The following DAOA variants were observed in gnomAD, a reference collection of about 807,000 sequenced individuals.
DAOA encodes D-amino acid oxidase regulator.
DAOA carries 15 observed loss-of-function variants against 16.4 expected under a neutral mutation model. The ratio of observed to expected loss-of-function variants is 0.91; its 90% CI spans 0.61 to 1.41. The LOEUF (loss-of-function observed/expected upper bound fraction) is 1.41. Ranked by LOEUF, DAOA falls within the 40% of genes most tolerant of loss-of-function variation. DAOA has a pLI of 0.00. For synonymous variants in DAOA, 75 were observed against 59.1 expected (o/e 1.27, Z -1.23); for missense variants, 230 against 176.8 (o/e 1.30, Z -1.71).
chr13:105,475,026 A>G, intron 4 of DAOA: 1 of 985,828 alleles, frequency 1.0e-6, no homozygotes, highest in East Asian at 1.1e-4. Flanking sequence ...TTTTAAAAGA[A>G]TTTCTCAGAT....
At chr13:105,479,257 C>T (rs895459065) in intron 4 of DAOA, among the ~76,000 whole-genome samples, 4 of 151,964 alleles carry the variant, frequency 2.6e-5, no homozygotes, top group African/African-American at 9.7e-5. Context: ...TAGGAGAGAC[C>T]GAAAGAGCAA....
chr13:105,488,570 C>A (rs565673020), intron 4 of DAOA, among the ~76,000 whole-genome samples: 16 of 152,234 alleles, frequency 1.1e-4, no homozygotes, highest in Non-Finnish European at 2.9e-5. Flanking sequence ...TCAAAATATT[C>A]CACTACTGTA....
intron 4 of DAOA, among the ~76,000 whole-genome samples, chr13:105,482,394 C>T (rs1404568476): frequency 6.6e-6 from 1 of 151,664 alleles, no homozygotes; most frequent in East Asian, 1.9e-4. Flanking sequence ...TGAGGAAGGA[C>T]TGTGTGGTTC....
chr13:105,485,002 G>T (rs189855711), intron 4 of DAOA, among the ~76,000 whole-genome samples: 1 of 151,850 alleles, frequency 6.6e-6, no homozygotes, highest in South Asian at 2.1e-4. Flanking sequence ...GTTTCTTGAC[G>T]GTTTGTTTTT....
Position 105,475,046 on chromosome 13 carries a change from G to A in DAOA, c.281+2361G>A, listed in dbSNP as rs72549482. 8.1e-3 allele frequency: 7,978 copies of A among 985,534 alleles called. 35 individuals are homozygous for A. Among genetic ancestry groups the A allele is most frequent in the Non-Finnish European group, 9.2e-3 (7,607 of 829,738 alleles). 61.0% of individuals were successfully genotyped at this position (985,534 alleles called of 1,614,324 possible). On this transcript the variant is annotated intron_variant, in intron 4 of 5. Transcript: ENST00000375936. ...AAAGAATTTCTCAGATATTTGCTGG[G>A]CACTTTATGGAAGGAGACACTGAGG...
chr13:105,474,393 G>T lies in DAOA; in HGVS notation c.281+1708G>T, dbSNP rs1203681424. ...GTGTGTGTGTGCGTGTGTATTTTAAGAACATGATCATTTGTAATACATAGA... is the reference window on the plus strand; with the variant it reads ...GTGTGTGTGTGCGTGTGTATTTTAATAACATGATCATTTGTAATACATAGA... On this transcript the variant is annotated intron_variant, in intron 4 of 5. Transcript: ENST00000375936. Among the ~76,000 whole-genome samples the T allele has an allele frequency of 2.0e-5, 3 of 152,068 alleles. No individual in the cohort carries two copies. The East Asian group carries it at 5.8e-4, about 29-fold the overall frequency.
chr13:105,487,538 C>A (rs934814447), intron 4 of DAOA, among the ~76,000 whole-genome samples: 1 of 150,422 alleles, frequency 6.6e-6, no homozygotes, highest in Non-Finnish European at 1.5e-5. Flanking sequence ...ACAAAATATA[C>A]CTAAATGTGT....
At chr13:105,475,148 A>C (rs1273742072) in intron 4 of DAOA, 1 of 567,960 alleles carries the variant, frequency 1.8e-6, no homozygotes, top group African/African-American at 2.0e-5. Context: ...AGATCTCCAG[A>C]CTCCTGGGCC....
intron 4 of DAOA, among the ~76,000 whole-genome samples, chr13:105,487,739 T>C (rs1484252682): frequency 6.6e-6 from 1 of 152,152 alleles, no homozygotes; most frequent in African/African-American, 2.4e-5. Context: ...TTATACAAAA[T>C]AGTGAATTCC....
intron 4 of DAOA, among the ~76,000 whole-genome samples, chr13:105,480,531 G>GATAC (rs1047409050): frequency 2.3e-5 from 2 of 87,644 alleles, no homozygotes; most frequent in Admixed American, 2.0e-4. Context: ...TAGATACATA[G>GATAC]ATAGATAGAT....
chr13:105,486,471 C>T (rs937519274), intron 4 of DAOA, among the ~76,000 whole-genome samples: 1 of 152,090 alleles, frequency 6.6e-6, no homozygotes, highest in Non-Finnish European at 1.5e-5. Flanking sequence ...CCCCGTTGAC[C>T]TATATAGTGT....
At chr13:105,486,219 A>G (rs950112054) in intron 4 of DAOA, among the ~76,000 whole-genome samples, 1 of 151,910 alleles carries the variant, frequency 6.6e-6, no homozygotes, top group African/African-American at 2.4e-5. Context: ...TCTGCTCTCC[A>G]CCCTTTTCTT....
chr13:105,475,096 T>C, intron 4 of DAOA: 2 of 950,474 alleles, frequency 2.1e-6, no homozygotes, highest in Non-Finnish European at 2.5e-6. Context: ...TGCATACCCC[T>C]AGTGAGATAA....
chr13:105,468,487 G>A (rs986043532), intron 3 of DAOA, among the ~76,000 whole-genome samples: 1 of 152,168 alleles, frequency 6.6e-6, no homozygotes, highest in Non-Finnish European at 1.5e-5. Context: ...ACTTGAATAT[G>A]TTGGCTACCC....
chr13:105,467,258 T>C (rs947976156), intron 3 of DAOA, 117 bp downstream of exon 3: 2 of 1,181,290 alleles, frequency 1.7e-6, no homozygotes, highest in African/African-American at 1.5e-5. Context: ...TTCAATTAAT[T>C]TGTAAGATAC....
At chr13:105,479,777 G>T (rs1302165405) in intron 4 of DAOA, among the ~76,000 whole-genome samples, 1 of 152,134 alleles carries the variant, frequency 6.6e-6, no homozygotes, top group Non-Finnish European at 1.5e-5. Flanking sequence ...ATTTTGAGGG[G>T]ACACCATTTA....
intron 4 of DAOA, among the ~76,000 whole-genome samples, chr13:105,483,578 G>A (rs1248324728): frequency 6.6e-6 from 1 of 151,778 alleles, no homozygotes; most frequent in Non-Finnish European, 1.5e-5. Context: ...ATCTTGTTAT[G>A]CTTTCATTTG....
intron 3 of DAOA, among the ~76,000 whole-genome samples, chr13:105,468,268 T>A (rs1255561571): frequency 6.6e-6 from 1 of 152,150 alleles, no homozygotes; most frequent in Non-Finnish European, 1.5e-5. Flanking sequence ...ATTCCACAGG[T>A]TTTCAGGATT....
At chr13:105,477,310 C>T (rs1185848840) in intron 4 of DAOA, 1 of 152,200 alleles carries the variant, frequency 6.6e-6, no homozygotes, top group Non-Finnish European at 1.5e-5. Flanking sequence ...TCTACTCTCC[C>T]TAAATTATAC....
Sources: gnomAD v4.1 joint callset for allele counts (sites outside exome capture counted in the v4.1 genomes callset) on GRCh38, gnomAD v4.1.1 for gene constraint, MANE v1.5 for transcripts, NCBI Gene and HGNC (gene_info 2026-07-23, HGNC 2026-07-21) for gene names.